Variants in RIMS2 observed in about 807,000 individuals in gnomAD.
RIMS2 encodes the protein regulating synaptic membrane exocytosis protein 2.
RIMS2 carries 59 observed loss-of-function variants against 174.4 expected under a neutral mutation model. That is an observed-to-expected ratio of 0.34 (90% confidence interval 0.27 to 0.42). The LOEUF is 0.42. Among genes scored for constraint, RIMS2 ranks in the 10% least tolerant of loss-of-function variants. The probability of loss-of-function intolerance (pLI) is 1.00; values close to 1 mark genes in which losing one functional copy is unlikely to be tolerated. For missense variants in RIMS2, 1,620 were observed against 1,666.3 expected (o/e 0.97, Z 0.48); for synonymous variants, 606 against 572.5 (o/e 1.06, Z -0.84).
intron 3 of RIMS2, among the ~76,000 whole-genome samples, chr8:103,853,140 TC>T (rs1564922722): frequency 6.6e-6 from 1 of 152,144 alleles, no homozygotes; most frequent in African/African-American, 2.4e-5. Flanking sequence ...AATAAGTATC[TC>T]AATGTGGTTT....
intron 1 of RIMS2, among the ~76,000 whole-genome samples, chr8:103,604,016 G>T (rs1301828979): frequency 6.7e-6 from 1 of 150,058 alleles, no homozygotes; most frequent in African/African-American, 2.5e-5. Flanking sequence ...GATCCCATTT[G>T]TCTATTTTGT....
intron 15 of RIMS2, among the ~76,000 whole-genome samples, chr8:103,973,566 G>T (rs928277958): frequency 6.6e-6 from 1 of 152,166 alleles, no homozygotes; most frequent in Non-Finnish European, 1.5e-5. Flanking sequence ...AGTATATCTA[G>T]ATGGAAAGAA....
In RIMS2 at chr8:104,005,406, A is replaced by G. The variant is rs563909128; in HGVS notation, c.3045-8036A>G. 2.6e-5 allele frequency among the ~76,000 whole-genome samples: 4 copies of G among 152,324 alleles called. No homozygotes were observed. The South Asian group carries it at 8.3e-4, about 32-fold the overall frequency. On this transcript the variant is annotated intron_variant, in intron 17 of 23. Transcript: ENST00000504942. ...TAAGTAGCTTCTGCAGATGAAGGCTACAATGGAAGCAGAGGCTACACAGTT... is the reference window on the plus strand; with the variant it reads ...TAAGTAGCTTCTGCAGATGAAGGCTGCAATGGAAGCAGAGGCTACACAGTT...
chr8:104,063,092 G>T (rs757430145), intron 19 of RIMS2, among the ~76,000 whole-genome samples: 3 of 151,754 alleles, frequency 2.0e-5, no homozygotes, highest in Non-Finnish European at 2.9e-5. Flanking sequence ...CAATTATTTG[G>T]ATAATTTCAA....
At chr8:104,193,550 C>G (rs79659480) in intron 19 of RIMS2, among the ~76,000 whole-genome samples, 2,577 of 152,282 alleles carry the variant, frequency 0.017, 114 homozygotes, top group East Asian at 0.14. Context: ...ATTGCCTGCT[C>G]TCATCTACCT....
At chr8:104,223,636 C>A in intron 19 of RIMS2, 1 of 1,585,234 alleles carries the variant, frequency 6.3e-7, no homozygotes, top group East Asian at 2.3e-5. Flanking sequence ...GCGGGAAAAG[C>A]GGGTCCTCGT....
chr8:103,639,648 T>C (rs1034688689), intron 1 of RIMS2, among the ~76,000 whole-genome samples: 1 of 151,968 alleles, frequency 6.6e-6, no homozygotes, highest in Non-Finnish European at 1.5e-5. Flanking sequence ...TGCTGAGTAG[T>C]ATTCTCTTGT....
At chr8:103,634,542 G>GTA (rs2096025553) in intron 1 of RIMS2, among the ~76,000 whole-genome samples, 1 of 152,154 alleles carries the variant, frequency 6.6e-6, no homozygotes, top group Non-Finnish European at 1.5e-5. Flanking sequence ...GATCCATTTG[G>GTA]TACAATGCTG....
rs75750278 is a variant in RIMS2, at chr8:104,196,446, T to C, written c.3335-48470T>C. 8.3e-3 allele frequency among the ~76,000 whole-genome samples: 1,271 copies of C among 152,256 alleles called. 16 individuals are homozygous for C. Among genetic ancestry groups the C allele is most frequent in the African/African-American group, 0.03 (1,229 of 41,558 alleles). On this transcript the variant is annotated intron_variant, in intron 19 of 23. Transcript: ENST00000504942. Reference sequence around the variant, plus strand: ...TTAAGCTTTTTATGTAGAGTTGTTTTCCCTTATTATTACTAGTAGCTTTAA... The same window carrying C: ...TTAAGCTTTTTATGTAGAGTTGTTTCCCCTTATTATTACTAGTAGCTTTAA...
chr8:104,150,601 A>G (rs1334287339), intron 19 of RIMS2, among the ~76,000 whole-genome samples: 2 of 152,204 alleles, frequency 1.3e-5, no homozygotes, highest in African/African-American at 2.4e-5. Context: ...AAAGACGATT[A>G]GAAAGGTGTT....
intron 1 of RIMS2, among the ~76,000 whole-genome samples, chr8:103,602,877 T>C (rs567664206): frequency 1.3e-5 from 2 of 152,348 alleles, no homozygotes; most frequent in Admixed American, 6.5e-5. Context: ...ATTTGTGTAA[T>C]TGTCACACTG....
intron 1 of RIMS2, among the ~76,000 whole-genome samples, chr8:103,507,161 T>C (rs181318633): frequency 3.8e-4 from 58 of 152,250 alleles, no homozygotes; most frequent in Non-Finnish European, 2.9e-5. Context: ...CACTTAAGCT[T>C]TGTATGATTG....
At chr8:104,094,418 C>T in intron 19 of RIMS2, 3 of 547,960 alleles carry the variant, frequency 5.5e-6, no homozygotes, top group Non-Finnish European at 9.6e-6. Flanking sequence ...AGTGTTTTTT[C>T]TTGACTTTCT....
chr8:103,896,633 G>A (rs2099279494), intron 4 of RIMS2, among the ~76,000 whole-genome samples: 1 of 151,628 alleles, frequency 6.6e-6, no homozygotes, highest in Admixed American at 6.6e-5. Context: ...AGGTTCAGCT[G>A]TGTAGTTTTT....
intron 3 of RIMS2, among the ~76,000 whole-genome samples, chr8:103,850,709 G>A (rs2098993190): frequency 1.3e-5 from 2 of 151,946 alleles, no homozygotes; most frequent in Non-Finnish European, 2.9e-5. Flanking sequence ...ACTCTTAAAC[G>A]AACAGAGCTA....
At chr8:103,856,129 T>C (rs2099026284) in intron 3 of RIMS2, among the ~76,000 whole-genome samples, 1 of 152,208 alleles carries the variant, frequency 6.6e-6, no homozygotes, top group Non-Finnish European at 1.5e-5. Flanking sequence ...AATGTCTTTG[T>C]CTTTCTTACA....
intron 19 of RIMS2, among the ~76,000 whole-genome samples, chr8:104,210,057 A>T (rs1275547397): frequency 3.3e-5 from 5 of 152,198 alleles, no homozygotes; most frequent in Admixed American, 6.5e-5. Context: ...AAGGGAAATG[A>T]TGTAGAACTA....
At chr8:104,150,596 C>T (rs886179481) in intron 19 of RIMS2, among the ~76,000 whole-genome samples, 6 of 151,882 alleles carry the variant, frequency 4.0e-5, no homozygotes, top group African/African-American at 1.2e-4. Flanking sequence ...AGGTAAAAGA[C>T]GATTAGAAAG....
chr8:103,738,944 G>C (rs1423567143), intron 2 of RIMS2, among the ~76,000 whole-genome samples: 3 of 152,082 alleles, frequency 2.0e-5, no homozygotes, highest in Non-Finnish European at 2.9e-5. Flanking sequence ...CTGTAAACTA[G>C]TTCAACCATT....
Sources: gnomAD v4.1 joint callset for allele counts (sites outside exome capture counted in the v4.1 genomes callset) on GRCh38, gnomAD v4.1.1 for gene constraint, MANE v1.5 for transcripts, NCBI Gene and HGNC (gene_info 2026-07-23, HGNC 2026-07-21) for gene names.